Variants in SMC1B observed in about 807,000 individuals in gnomAD.
SMC1B encodes structural maintenance of chromosomes 1B.
In SMC1B, 60 loss-of-function variants were observed where a neutral mutation model predicts 157.9. The ratio of observed to expected loss-of-function variants is 0.38; its 90% CI spans 0.31 to 0.47. The LOEUF is 0.47. SMC1B is among the 20% of genes least tolerant of loss of function. The pLI is 0.99. For missense variants in SMC1B, 1,165 were observed against 1,426.2 expected, an observed-to-expected ratio of 0.82 and a Z score of 2.95; for synonymous variants, 445 against 483.0, an observed-to-expected ratio of 0.92 and a Z score of 1.03.
chr22:45,358,971 T>G (rs779089319), intron 18 of SMC1B, among the ~76,000 whole-genome samples, 176 bp from the exon 19 acceptor site: 3 of 152,124 alleles, frequency 2.0e-5, no homozygotes, highest in Non-Finnish European at 4.4e-5. Context: ...TATCAAAATG[T>G]GACACAGAGA....
chr22:45,357,012 C>A (rs572594960), intron 19 of SMC1B, among the ~76,000 whole-genome samples: 2 of 152,254 alleles, frequency 1.3e-5, no homozygotes, highest in South Asian at 4.1e-4. Flanking sequence ...GGATTACAGG[C>A]GTGAGCCACC....
intron 21 of SMC1B, 55 bp downstream of exon 21, chr22:45,353,923 A>AAAAC: frequency 9.6e-6 from 10 of 1,036,896 alleles, no homozygotes; most frequent in African/African-American, 1.6e-5. Context: ...AAAAAAAACA[A>AAAAC]CCACCACCGG....
At chr22:45,400,298 A>G (rs2087177672) in intron 5 of SMC1B, among the ~76,000 whole-genome samples, 1 of 152,134 alleles carries the variant, frequency 6.6e-6, no homozygotes, top group African/African-American at 2.4e-5. Context: ...GGCTTATACA[A>G]GATGACAGTA....
At chr22:45,362,095 C>T (rs552787875) in intron 16 of SMC1B, 111 bp from the exon 17 acceptor site, 15 of 1,128,986 alleles carry the variant, frequency 1.3e-5, no homozygotes, top group South Asian at 3.2e-5. Flanking sequence ...ACCTTCTCAC[C>T]CTATGTGCTA....
intron 12 of SMC1B, among the ~76,000 whole-genome samples, chr22:45,379,166 G>C (rs1291233572): frequency 6.6e-6 from 1 of 152,134 alleles, no homozygotes; most frequent in South Asian, 2.1e-4. Flanking sequence ...ATTTTTAGTA[G>C]AGACAGGGTT....
At chr22:45,357,786 G>A (rs955261625) in intron 19 of SMC1B, among the ~76,000 whole-genome samples, 57 of 152,100 alleles carry the variant, frequency 3.7e-4, no homozygotes, top group African/African-American at 1.3e-3. Context: ...CCAGTTCTAG[G>A]CACAGCATAC....
intron 10 of SMC1B, among the ~76,000 whole-genome samples, chr22:45,388,166 CA>C (rs2087011320): frequency 6.6e-6 from 1 of 152,046 alleles, no homozygotes; most frequent in South Asian, 2.1e-4. Flanking sequence ...AATATATTAC[CA>C]AAACCCAGCA....
chr22:45,350,599 A>T (rs531637109), intron 22 of SMC1B, among the ~76,000 whole-genome samples: 18 of 150,986 alleles, frequency 1.2e-4, no homozygotes, highest in African/African-American at 4.4e-4. Flanking sequence ...TCTAACCTCA[A>T]ATGTCCAACT....
chr22:45,408,066 A>G (rs1684833516), intron 2 of SMC1B, among the ~76,000 whole-genome samples: 1 of 152,180 alleles, frequency 6.6e-6, no homozygotes, highest in African/African-American at 2.4e-5. Context: ...ACTGATAAAC[A>G]TAAAGAACCT....
chr22:45,395,896 T>C (rs1226357284), intron 7 of SMC1B, among the ~76,000 whole-genome samples: 1 of 152,134 alleles, frequency 6.6e-6, no homozygotes, highest in Non-Finnish European at 1.5e-5. Flanking sequence ...GAAATTATTT[T>C]TGGCTTTTTT....
chr22:45,376,931 G>A (rs1295624169), intron 12 of SMC1B, among the ~76,000 whole-genome samples: 1 of 152,114 alleles, frequency 6.6e-6, no homozygotes, highest in African/African-American at 2.4e-5. Context: ...CTTGTCACAT[G>A]GCCAGCCCTA....
chr22:45,364,914 T>C (rs2086759694), intron 15 of SMC1B, among the ~76,000 whole-genome samples: 1 of 148,568 alleles, frequency 6.7e-6, no homozygotes, highest in Non-Finnish European at 1.5e-5. Context: ...CTCGGCTCAC[T>C]GCAAGCTCCG....
Position 45,389,637 on chromosome 22 carries a change from T to G in SMC1B, c.1731+75A>C, listed in dbSNP as rs192397386. The G allele has an allele frequency of 2.4e-4, 323 of 1,348,292 alleles. 2 individuals are homozygous for G. The highest frequency in any genetic ancestry group is 7.4e-5 in the Non-Finnish European group (72 of 971,772). The allele number at this position is 1,348,292 out of a possible 1,614,324, so 83.5% of individuals were successfully genotyped here. A position where few individuals can be genotyped will look rare whatever the true frequency, so the allele number is the denominator to read the frequency against. On this transcript the variant is annotated intron_variant, in intron 10 of 24. Coordinates refer to ENST00000357450, the MANE Select transcript of SMC1B (RefSeq NM_148674.5). ...CAATTTTTCTCTATCACTATCATAG[T>G]TTTAGGCAATAAGATCATTCTTTAA...
chr22:45,356,080 CAAAA>C (rs908588920), intron 19 of SMC1B, among the ~76,000 whole-genome samples: 1 of 151,726 alleles, frequency 6.6e-6, no homozygotes, highest in East Asian at 1.9e-4. Context: ...AAAAACAAAA[CAAAA>C]AAAAGTCTAA....
intron 5 of SMC1B, among the ~76,000 whole-genome samples, chr22:45,400,806 T>C (rs965679714): frequency 3.0e-4 from 46 of 152,192 alleles, no homozygotes; most frequent in Non-Finnish European, 5.4e-4. Flanking sequence ...TCATGTAACA[T>C]ATATAATACA....
chr22:45,358,307 T>G (rs746285775), intron 19 of SMC1B, among the ~76,000 whole-genome samples: 2 of 152,330 alleles, frequency 1.3e-5, no homozygotes, highest in South Asian at 4.1e-4. Flanking sequence ...GAAGGAGTTG[T>G]GAAAACTCCT....
intron 18 of SMC1B, among the ~76,000 whole-genome samples, 166 bp from the exon 19 acceptor site, chr22:45,358,961 T>G (rs956529905): frequency 6.6e-6 from 1 of 152,082 alleles, no homozygotes; most frequent in African/African-American, 2.4e-5. Context: ...TTTCGAGAAT[T>G]ATCAAAATGT....
chr22:45,377,394 T>G (rs1248061210), intron 12 of SMC1B, among the ~76,000 whole-genome samples: 1 of 151,916 alleles, frequency 6.6e-6, no homozygotes, highest in African/African-American at 2.4e-5. Context: ...ATCCCAGCAC[T>G]TTGGGAGGCC....
chr22:45,351,874 C>G (rs1372193265), intron 22 of SMC1B, among the ~76,000 whole-genome samples: 5 of 152,132 alleles, frequency 3.3e-5, no homozygotes, highest in Admixed American at 1.3e-4. Flanking sequence ...AGAAACAGTT[C>G]CACCACCATC....
Sources: allele counts gnomAD v4.1 joint callset (sites outside exome capture counted in the v4.1 genomes callset), GRCh38; gene constraint gnomAD v4.1.1; transcripts MANE v1.5; gene names NCBI Gene and HGNC (gene_info 2026-07-23, HGNC 2026-07-21).